The following ELMO1 variants were observed in gnomAD, a reference collection of about 807,000 sequenced individuals.
ELMO1 encodes the protein engulfment and cell motility 1.
In ELMO1, 26 loss-of-function variants were observed where a neutral mutation model predicts 98.9. That is an observed-to-expected ratio of 0.26 (90% CI 0.19 to 0.36). The LOEUF (loss-of-function observed/expected upper bound fraction) is 0.36. Among genes scored for constraint, ELMO1 ranks in the 10% least tolerant of loss-of-function variants. The probability of loss-of-function intolerance (pLI) is 1.00; values close to 1 mark genes in which losing one functional copy is unlikely to be tolerated. For synonymous variants in ELMO1, 346 were observed against 346.0 expected (o/e 1.00, Z 0.00); for missense variants, 627 against 935.2 (o/e 0.67, Z 4.30).
intron 16 of ELMO1, among the ~76,000 whole-genome samples, chr7:36,958,551 G>A (rs941876044): frequency 3.9e-5 from 6 of 152,014 alleles, no homozygotes; most frequent in South Asian, 2.1e-4. Flanking sequence ...GTAATCAGAC[G>A]GTGAATCATA....
intron 13 of ELMO1, among the ~76,000 whole-genome samples, chr7:37,141,650 C>T (rs923716274): frequency 1.8e-4 from 28 of 152,138 alleles, no homozygotes; most frequent in Non-Finnish European, 3.7e-4. Flanking sequence ...AAGAAAACTG[C>T]TTTTGCCTCA....
At chr7:37,188,504 T>TAATAAA (rs1563065682) in intron 13 of ELMO1, among the ~76,000 whole-genome samples, 2 of 89,424 alleles carry the variant, frequency 2.2e-5, no homozygotes, top group African/African-American at 5.1e-5. Context: ...AAAAAAAAAA[T>TAATAAA]AATAATAATA....
chr7:37,110,123 C>G (rs760671285), intron 14 of ELMO1, among the ~76,000 whole-genome samples: 1 of 152,228 alleles, frequency 6.6e-6, no homozygotes, highest in East Asian at 1.9e-4. Context: ...TGATAAACAG[C>G]CTCAGTGTTG....
At chr7:37,056,076 G>C (rs1425241714) in intron 15 of ELMO1, among the ~76,000 whole-genome samples, 3 of 152,140 alleles carry the variant, frequency 2.0e-5, no homozygotes, top group Non-Finnish European at 2.9e-5. Context: ...ATTTACAGTG[G>C]TCCAGCTTTC....
chr7:36,879,883 A>G (rs1184828552), intron 18 of ELMO1, among the ~76,000 whole-genome samples: 1 of 152,232 alleles, frequency 6.6e-6, no homozygotes, highest in Non-Finnish European at 1.5e-5. Flanking sequence ...TGAGTAATTC[A>G]CAGACATTTA....
chr7:37,043,951 C>T (rs1355831444), intron 15 of ELMO1, among the ~76,000 whole-genome samples: 2 of 152,162 alleles, frequency 1.3e-5, no homozygotes, highest in African/African-American at 4.8e-5. Context: ...ATGCCATCTC[C>T]ATTCCCCAAG....
chr7:37,148,861 G>A (rs1400151805), intron 13 of ELMO1, among the ~76,000 whole-genome samples: 2 of 152,106 alleles, frequency 1.3e-5, no homozygotes, highest in Non-Finnish European at 2.9e-5. Context: ...TTAAAACAAG[G>A]GATAAATACA....
At chr7:37,125,932 T>C (rs1047672186) in intron 14 of ELMO1, among the ~76,000 whole-genome samples, 3 of 152,014 alleles carry the variant, frequency 2.0e-5, no homozygotes, top group Admixed American at 2.0e-4. Context: ...ATTAAGAAAA[T>C]GTGGCACATA....
At chr7:37,054,844 T>C (rs943479549) in intron 15 of ELMO1, among the ~76,000 whole-genome samples, 16 of 152,196 alleles carry the variant, frequency 1.1e-4, no homozygotes, top group African/African-American at 3.6e-4. Flanking sequence ...CCCAACTTCA[T>C]TGAAAACCTG....
intron 16 of ELMO1, among the ~76,000 whole-genome samples, chr7:36,900,845 T>G (rs1806451334): frequency 6.6e-6 from 1 of 152,162 alleles, no homozygotes; most frequent in East Asian, 1.9e-4. Flanking sequence ...GCTGGACCAT[T>G]TTTCTTCCCA....
chr7:37,352,466 G>C (rs760146448), intron 1 of ELMO1, among the ~76,000 whole-genome samples: 5 of 152,188 alleles, frequency 3.3e-5, no homozygotes, highest in Admixed American at 3.3e-4. Context: ...CGTAACACGT[G>C]TTCTGTGAAA....
chr7:37,296,262 C>G (rs1798022395), intron 4 of ELMO1, among the ~76,000 whole-genome samples: 2 of 152,130 alleles, frequency 1.3e-5, no homozygotes, highest in Admixed American at 6.5e-5. Flanking sequence ...AACCAAGATC[C>G]CTCTTCCCTC....
intron 16 of ELMO1, among the ~76,000 whole-genome samples, chr7:36,974,943 C>T (rs1000637030): frequency 3.9e-5 from 6 of 151,926 alleles, no homozygotes; most frequent in Non-Finnish European, 5.9e-5. Flanking sequence ...CCTGAGCCAG[C>T]GAGACCATGA....
At position 36,977,738 on chromosome 7, in the gene ELMO1, G is replaced by T. The variant is rs2078590442; in HGVS notation, c.1437+35561C>A. Among the ~76,000 whole-genome samples the T allele has an allele frequency of 1.3e-5, 2 of 152,344 alleles. 1 individual carries two copies. The highest frequency in any genetic ancestry group is 4.1e-4 in the South Asian group (2 of 4,830). ...GAGGGGAAGGAGGGCGGAAGGCAAAGATAGCTGTTGGACAATTTGTTTTCA... is the reference window on the plus strand; with the variant it reads ...GAGGGGAAGGAGGGCGGAAGGCAAATATAGCTGTTGGACAATTTGTTTTCA... On this transcript the variant is annotated intron_variant, in intron 16 of 21. Coordinates refer to ENST00000310758, the MANE Select transcript of ELMO1 (RefSeq NM_014800.11).
At chr7:37,402,172 A>C (rs1267164105) in intron 1 of ELMO1, among the ~76,000 whole-genome samples, 1 of 152,192 alleles carries the variant, frequency 6.6e-6, no homozygotes, top group African/African-American at 2.4e-5. Context: ...GAGTGGGAAG[A>C]AGCTATTTCC....
chr7:37,176,150 C>T (rs1790486906), intron 13 of ELMO1, among the ~76,000 whole-genome samples: 1 of 152,156 alleles, frequency 6.6e-6, no homozygotes, highest in Non-Finnish European at 1.5e-5. Context: ...ATGGGCTAGG[C>T]AAATTAATTT....
intron 13 of ELMO1, among the ~76,000 whole-genome samples, chr7:37,194,463 T>C (rs1584792289): frequency 1.3e-5 from 2 of 152,342 alleles, no homozygotes; most frequent in Middle Eastern, 3.4e-3. Flanking sequence ...CTTCTATTTC[T>C]AGTTTCGGCC....
rs1800796834 is a variant in ELMO1, at chr7:37,342,934, G to A, written c.-73-171C>T. 2 of 423,130 alleles carry A rather than the reference G, an allele frequency of 4.7e-6. No homozygotes were observed. Among genetic ancestry groups the A allele is most frequent in the East Asian group, 8.3e-5 (2 of 24,194 alleles). 26.2% of individuals were successfully genotyped at this position (423,130 alleles called of 1,614,324 possible). A position where few individuals can be genotyped will look rare whatever the true frequency, so the allele number is the denominator to read the frequency against. On this transcript the variant is annotated intron_variant, in intron 1 of 21. Transcript: ENST00000310758. This position sits in a 1 kb window ranked among gnomAD's most constrained non-coding sequence, Gnocchi z 4.3. ...AGCCAACGGTACAATGGGCTCCTGA[G>A]GAAAGAAGAAAGATGGGGGTGCCCG...
intron 13 of ELMO1, among the ~76,000 whole-genome samples, chr7:37,133,959 C>T (rs888595008): frequency 6.6e-6 from 1 of 152,092 alleles, no homozygotes; most frequent in African/African-American, 2.4e-5. Flanking sequence ...GGGCAAAGGA[C>T]ATGAATAGAC....
Sources: allele counts gnomAD v4.1 joint callset (sites outside exome capture counted in the v4.1 genomes callset), GRCh38; gene constraint gnomAD v4.1.1; non-coding constraint Gnocchi (gnomAD v3.1); transcripts MANE v1.5; gene names NCBI Gene and HGNC (gene_info 2026-07-23, HGNC 2026-07-21).